The following KANSL1 variants were observed in gnomAD, a reference collection of about 807,000 sequenced individuals.
KANSL1 encodes the protein KAT8 regulatory NSL complex subunit 1.
A neutral mutation model predicts 103.6 loss-of-function variants in KANSL1; 22 were observed. The ratio of observed to expected loss-of-function variants is 0.21; its 90% CI spans 0.15 to 0.30. The LOEUF (loss-of-function observed/expected upper bound fraction) is 0.30, where lower values mean the gene tolerates loss of function less well. KANSL1 is among the 10% of genes least tolerant of loss of function. The probability of loss-of-function intolerance (pLI) is 1.00; values close to 1 mark genes in which losing one functional copy is unlikely to be tolerated. For synonymous variants in KANSL1, 600 were observed against 527.6 expected, an observed-to-expected ratio of 1.14 and a Z score of -1.88; for missense variants, 1,337 against 1,399.8, an observed-to-expected ratio of 0.96 and a Z score of 0.72.
rs1456276217 is a variant in KANSL1 at position 46,099,105 on chromosome 17, C to T, written c.1290-4404G>A. On this transcript the variant is annotated intron_variant, in intron 2 of 14. Coordinates refer to ENST00000432791, the MANE Select transcript of KANSL1 (RefSeq NM_015443.4). ...TTGGGAGGCCGAGGCAGGCGGATCA[C>T]GAGGTCAGGAGATCGAGACCATCCT... is the stretch of plus-strand genomic sequence containing the variant. Among the ~76,000 whole-genome samples the T allele has an allele frequency of 1.8e-5, 2 of 113,942 alleles. 1 individual carries two copies. Among genetic ancestry groups the T allele is most frequent in the Non-Finnish European group, 4.7e-5 (2 of 42,638 alleles). 74.8% of individuals were successfully genotyped at this position (113,942 alleles called of 152,430 possible).
intron 2 of KANSL1, among the ~76,000 whole-genome samples, chr17:46,113,662 G>A (rs1463496010): frequency 2.0e-5 from 3 of 151,874 alleles, no homozygotes; most frequent in Admixed American, 6.6e-5. Context: ...AAACCTACGA[G>A]GCACTTTCTT....
chr17:46,225,160 C>T (rs2048647478), upstream of KANSL1, among the ~76,000 whole-genome samples: 1 of 152,074 alleles, frequency 6.6e-6, no homozygotes, highest in Non-Finnish European at 1.5e-5. Flanking sequence ...CCCGCCGCTT[C>T]CAGGGCCCTC....
intron 4 of KANSL1, among the ~76,000 whole-genome samples, chr17:46,080,712 A>ACCCCC (rs1216012285): frequency 1.2e-5 from 1 of 86,272 alleles, no homozygotes; most frequent in Non-Finnish European, 2.4e-5. Flanking sequence ...CCCCCACCCC[A>ACCCCC]CCCCCCAACC....
At chr17:46,200,110 C>CTTTAG (rs78288660) in intron 1 of KANSL1, among the ~76,000 whole-genome samples, 34,577 of 151,844 alleles carry the variant, frequency 0.23, 4,446 homozygotes, top group African/African-American at 0.32. Context: ...ATGTTTTTAA[C>CTTTAG]TTTAGAATAT....
At chr17:46,091,812 A>AGTAAGTATGTATGTATGTATGTAGGTAT (rs2079401075) in intron 3 of KANSL1, among the ~76,000 whole-genome samples, 1 of 151,506 alleles carries the variant, frequency 6.6e-6, no homozygotes, top group Non-Finnish European at 1.5e-5. Flanking sequence ...TATATATGTA[A>AGTAAGTATGTATGTATGTATGTAGGTAT]GTATGTATGT....
At chr17:46,179,236 A>G (rs1010609139) in intron 1 of KANSL1, among the ~76,000 whole-genome samples, 4 of 152,222 alleles carry the variant, frequency 2.6e-5, no homozygotes, top group Non-Finnish European at 5.9e-5. Context: ...ACACACATAT[A>G]TATACTCTTT....
intron 1 of KANSL1, among the ~76,000 whole-genome samples, chr17:46,181,412 A>G (rs1032704475): frequency 6.8e-6 from 1 of 148,126 alleles, no homozygotes; most frequent in African/African-American, 2.5e-5. Context: ...TCACTTTCCT[A>G]CTCTGAACAA....
chr17:46,163,223 T>C (rs879811168), intron 2 of KANSL1, among the ~76,000 whole-genome samples: 5 of 152,362 alleles, frequency 3.3e-5, no homozygotes, highest in Non-Finnish European at 7.3e-5. Context: ...ATCCCTAGCA[T>C]CCCAGCATGT....
At chr17:46,051,032 C>T (rs890606347) in intron 6 of KANSL1, among the ~76,000 whole-genome samples, 9 of 152,216 alleles carry the variant, frequency 5.9e-5, no homozygotes, top group South Asian at 2.1e-4. Context: ...TCTGAGAACA[C>T]TTTATAAACT....
intron 6 of KANSL1, among the ~76,000 whole-genome samples, chr17:46,063,862 C>T (rs990054451): frequency 4.0e-5 from 6 of 148,230 alleles, no homozygotes; most frequent in Admixed American, 3.4e-4. Flanking sequence ...ACTGCCAAAA[C>T]AGAGGAAGGG....
chr17:46,031,344 A>G lies in KANSL1; in HGVS notation c.*132T>C. ...AAACAAGAAAAAAAAATACCAAAGT[A>G]GGATCTAAATTCCTTAAGTTCACTA... is the stretch of plus-strand genomic sequence containing the variant. On this transcript the variant is annotated 3_prime_UTR_variant, in exon 15 of 15. Transcript: ENST00000432791. 1 of 834,860 alleles carries G rather than the reference A, an allele frequency of 1.2e-6. No individual in the cohort carries two copies. The highest frequency in any genetic ancestry group is 1.8e-6 in the Non-Finnish European group (1 of 547,526). The allele number at this position is 834,860 out of a possible 1,614,324, so 51.7% of individuals were successfully genotyped here. A position where few individuals can be genotyped will look rare whatever the true frequency, so the allele number is the denominator to read the frequency against.
rs201489508 is a variant in KANSL1, at chr17:46,088,714, T to TA, written c.1431+5845dup. 3.8e-3 allele frequency: 573 copies of TA among 152,082 alleles called. 11 individuals carry two copies. The highest frequency in any genetic ancestry group is 0.028 in the East Asian group (144 of 5,158). 9.4% of individuals were successfully genotyped at this position (152,082 alleles called of 1,614,324 possible). A position where few individuals can be genotyped will look rare whatever the true frequency, so the allele number is the denominator to read the frequency against. ...CACAGCGAGACCCCATCCTTTAAAA[T>TA]AAAAAAAACCCTTTAACAATTAGCT... is the stretch of plus-strand genomic sequence containing the variant. On this transcript the variant is annotated intron_variant, in intron 3 of 14. Coordinates refer to ENST00000432791, the MANE Select transcript of KANSL1 (RefSeq NM_015443.4).
intron 1 of KANSL1, among the ~76,000 whole-genome samples, chr17:46,217,362 G>A (rs1490860700): frequency 6.6e-6 from 1 of 151,922 alleles, no homozygotes; most frequent in East Asian, 1.9e-4. Flanking sequence ...TGTAACTCCA[G>A]CTACTTGGAA....
intron 2 of KANSL1, among the ~76,000 whole-genome samples, chr17:46,145,705 T>C (rs2044659619): frequency 1.3e-5 from 2 of 152,232 alleles, no homozygotes; most frequent in African/African-American, 4.8e-5. Context: ...GAAATGAGCA[T>C]GGAGGTGCTC....
intron 10 of KANSL1, among the ~76,000 whole-genome samples, chr17:46,037,005 G>A (rs1260543818): frequency 6.6e-6 from 1 of 152,138 alleles, no homozygotes; most frequent in Non-Finnish European, 1.5e-5. Flanking sequence ...GAGCGCCACT[G>A]TGCCTGGCCT....
chr17:46,180,872 CAT>C (rs2046757567), intron 1 of KANSL1, among the ~76,000 whole-genome samples: 1 of 152,080 alleles, frequency 6.6e-6, no homozygotes, highest in Non-Finnish European at 1.5e-5. Context: ...TATACACACA[CAT>C]ATATATGTAT....
chr17:46,194,829 C>G (rs1256907144), upstream of KANSL1, among the ~76,000 whole-genome samples: 1 of 152,216 alleles, frequency 6.6e-6, no homozygotes, highest in African/African-American at 2.4e-5. Flanking sequence ...CGTTACAGAA[C>G]GGTTTTAGTC....
intron 2 of KANSL1, among the ~76,000 whole-genome samples, chr17:46,140,093 A>C (rs2044344188): frequency 1.3e-5 from 2 of 152,208 alleles, no homozygotes; most frequent in East Asian, 3.8e-4. Context: ...CCTCAGAAAT[A>C]ATCACTGTTA....
chr17:46,121,805 C>A (rs1162160319), intron 2 of KANSL1, among the ~76,000 whole-genome samples: 1 of 152,126 alleles, frequency 6.6e-6, no homozygotes. Flanking sequence ...TCCCAATAAA[C>A]CCATCATAAT....
Sources: allele counts gnomAD v4.1 joint callset (sites outside exome capture counted in the v4.1 genomes callset), GRCh38; gene constraint gnomAD v4.1.1; transcripts MANE v1.5; gene names NCBI Gene and HGNC (gene_info 2026-07-23, HGNC 2026-07-21).